The following RIC3 variants were observed in gnomAD, a reference collection of about 807,000 sequenced individuals.
RIC3 encodes the protein RIC3 acetylcholine receptor chaperone.
A neutral mutation model predicts 27.3 loss-of-function variants in RIC3; 28 were observed. That is an observed-to-expected ratio of 1.02 (90% confidence interval 0.76 to 1.41). The LOEUF (loss-of-function observed/expected upper bound fraction) is 1.41, where lower values mean the gene tolerates loss of function less well. Ranked by LOEUF, RIC3 falls within the 40% of genes most tolerant of loss-of-function variation. The pLI is 0.00. For missense variants in RIC3, 501 were observed against 444.7 expected, an observed-to-expected ratio of 1.13 and a Z score of -1.14; for synonymous variants, 184 against 160.4, an observed-to-expected ratio of 1.15 and a Z score of -1.11.
chr11:8,140,339 T>C, intron 1 of RIC3, 146 bp from the exon 2 acceptor site: 1 of 688,548 alleles, frequency 1.5e-6, no homozygotes, highest in Non-Finnish European at 2.4e-6. Context: ...TACAGAGGTA[T>C]CACACATATC....
rs913326510 is a variant in RIC3, at chr11:8,145,180, TA to T, written c.125-4988del. 9.9e-4 allele frequency among the ~76,000 whole-genome samples: 102 copies of T among 102,766 alleles called. 2 individuals are homozygous for T. In the South Asian group the frequency reaches 0.025, roughly 25 times the overall value. 67.4% of individuals were successfully genotyped at this position (102,766 alleles called of 152,430 possible). ...ATGTACCCTAAAACTTAAAGTATAATAAAAAAAAATTAAAAAAAAATTAAAA... is the reference window on the plus strand; with the variant it reads ...ATGTACCCTAAAACTTAAAGTATAATAAAAAAAATTAAAAAAAAATTAAAA... On this transcript the variant is annotated intron_variant, in intron 1 of 5. Transcript: ENST00000309737.
At chr11:8,140,281 G>T (rs774826840) in intron 1 of RIC3, 88 bp from the exon 2 acceptor site, 109 of 1,221,642 alleles carry the variant, frequency 8.9e-5, no homozygotes, top group Non-Finnish European at 1.1e-4. Flanking sequence ...TATAAAAGAG[G>T]CCAACACAAA....
chr11:8,168,582 G>A (rs1037661135), intron 1 of RIC3, among the ~76,000 whole-genome samples: 4 of 152,322 alleles, frequency 2.6e-5, no homozygotes, highest in Admixed American at 2.6e-4. Context: ...TAAGAGAGAA[G>A]GGACTGCGCC....
intron 5 of RIC3, among the ~76,000 whole-genome samples, chr11:8,111,358 A>T (rs1441529777): frequency 6.6e-5 from 10 of 152,188 alleles, no homozygotes. Flanking sequence ...ATTCAGATGA[A>T]AATCCCTTCT....
rs11376341 is a variant in RIC3 at position 8,112,294 on chromosome 11, C to CTT, written c.671-1159_671-1158dup. ...ATTTTCTTTTCTTTTCTTTTCTTTT[C>CTT]TTTTTTTTTTTTTGAGACGGAGTCT... On this transcript the variant is annotated intron_variant, in intron 5 of 5. Transcript: ENST00000309737. 2.1e-3 allele frequency among the ~76,000 whole-genome samples: 266 copies of CTT among 124,318 alleles called. 1 individual carries two copies. In the East Asian group the frequency reaches 0.027, roughly 13 times the overall value. 81.6% of individuals were successfully genotyped at this position (124,318 alleles called of 152,430 possible).
the RIC3 span, among the ~76,000 whole-genome samples, chr11:8,095,971 G>T: frequency 0.25 from 38,279 of 152,232 alleles, 5,387 homozygotes; most frequent in African/African-American, 0.38. Context: ...AAGAGACGGG[G>T]TAGATCCTCC....
chr11:8,146,749 G>T (rs918589300), intron 1 of RIC3, among the ~76,000 whole-genome samples: 1 of 152,126 alleles, frequency 6.6e-6, no homozygotes, highest in South Asian at 2.1e-4. Flanking sequence ...AGGGGGCGGG[G>T]TGCTTCTAGC....
Position 8,163,052 on chromosome 11 carries a change from TAC to T in RIC3, c.124+5812_124+5813del, listed in dbSNP as rs67863540. On this transcript the variant is annotated intron_variant, in intron 1 of 5. Transcript: ENST00000309737. ...ACACACACACACACACACACACACA[TAC>T]ACACACACACACACCCCCCAAAACA... 2.3e-4 allele frequency among the ~76,000 whole-genome samples: 16 copies of T among 70,258 alleles called. 1 individual carries two copies. Among genetic ancestry groups the T allele is most frequent in the African/African-American group, 2.7e-4 (4 of 14,682 alleles). The allele number at this position is 70,258 out of a possible 152,430, so 46.1% of individuals were successfully genotyped here. A position where few individuals can be genotyped will look rare whatever the true frequency, so the allele number is the denominator to read the frequency against.
intron 1 of RIC3, among the ~76,000 whole-genome samples, chr11:8,162,921 T>C (rs1033918216): frequency 1.3e-5 from 2 of 151,846 alleles, no homozygotes; most frequent in African/African-American, 2.4e-5. Context: ...GCTGGGATTA[T>C]AGACATGAGC....
At chr11:8,121,154 TAAAAC>T (rs888286907) in intron 5 of RIC3, among the ~76,000 whole-genome samples, 46 of 152,126 alleles carry the variant, frequency 3.0e-4, no homozygotes, top group African/African-American at 1.1e-3. Flanking sequence ...AAATGACACT[TAAAAC>T]AGAAAAGGTT....
At chr11:8,157,186 CA>C (rs1414656516) in intron 1 of RIC3, among the ~76,000 whole-genome samples, 1 of 152,140 alleles carries the variant, frequency 6.6e-6, no homozygotes, top group Non-Finnish European at 1.5e-5. Context: ...TGAACACAGA[CA>C]AAACATGAAC....
downstream of RIC3, chr11:8,101,116 C>T (rs1944280157): frequency 8.0e-7 from 1 of 1,250,934 alleles, no homozygotes; most frequent in Non-Finnish European, 1.1e-6. Flanking sequence ...AGCTATACAG[C>T]TAAGGTTAGA....
rs1390044033 is a variant in RIC3, at chr11:8,167,069, G to GT, written c.124+1796dup. Among the ~76,000 whole-genome samples, 11 of 152,254 alleles carry GT rather than the reference G, an allele frequency of 7.2e-5. No individual in the cohort carries two copies. The East Asian group carries it at 2.1e-3, about 29-fold the overall frequency. On this transcript the variant is annotated intron_variant, in intron 1 of 5. Transcript: ENST00000309737. Reference sequence around the variant, plus strand: ...TACTGGAATGTACCATTCAAGGTAAGTTTTTTCCTAGGTTATACTACTTCA... The same window carrying GT: ...TACTGGAATGTACCATTCAAGGTAAGTTTTTTTCCTAGGTTATACTACTTCA...
chr11:8,146,113 A>T (rs9783351), intron 1 of RIC3, among the ~76,000 whole-genome samples: 5,617 of 152,332 alleles, frequency 0.037, 342 homozygotes, highest in African/African-American at 0.13. Flanking sequence ...GTTTGCTGTG[A>T]CAATAGTGTA....
In RIC3 at chr11:8,110,495, C is replaced by T; in HGVS notation, c.*203G>A. 1 of 656,420 alleles carries T rather than the reference C, an allele frequency of 1.5e-6. No homozygotes were observed. The allele number at this position is 656,420 out of a possible 1,614,324, so 40.7% of individuals were successfully genotyped here. ...CAGGAAGAGAAAGAGCGAAGCTGTC[C>T]TGTGTTCACACTAATGTCCGTGTTT... On this transcript the variant is annotated 3_prime_UTR_variant, in exon 6 of 6. Transcript: ENST00000309737.
chr11:8,150,545 A>C (rs1192196295), intron 1 of RIC3, among the ~76,000 whole-genome samples: 1 of 152,226 alleles, frequency 6.6e-6, no homozygotes, highest in Non-Finnish European at 1.5e-5. Context: ...GCTTAAGAGG[A>C]AACTCTAAGC....
At chr11:8,104,500 T>C (rs767546140), downstream of RIC3, 35 of 152,236 alleles carry the variant, frequency 2.3e-4, no homozygotes, top group Admixed American at 5.9e-4. Flanking sequence ...GTTTCTTAAT[T>C]GTGATTATAT....
At chr11:8,130,053 C>T (rs918664182) in intron 4 of RIC3, among the ~76,000 whole-genome samples, 3 of 152,208 alleles carry the variant, frequency 2.0e-5, no homozygotes, top group African/African-American at 7.2e-5. Context: ...GGCTGTAAAT[C>T]TCCAATGCAT....
At chr11:8,126,831 C>T (rs774158476) in intron 4 of RIC3, 24 bp from the exon 5 acceptor site, 2 of 1,613,490 alleles carry the variant, frequency 1.2e-6, no homozygotes, top group South Asian at 2.2e-5. Flanking sequence ...GACAATCCAA[C>T]CATTTAGTGG....
Sources: allele counts gnomAD v4.1 joint callset (sites outside exome capture counted in the v4.1 genomes callset), GRCh38; gene constraint gnomAD v4.1.1; transcripts MANE v1.5; gene names NCBI Gene and HGNC (gene_info 2026-07-23, HGNC 2026-07-21).